WWOX: variants seen among roughly 807,000 people sequenced by gnomAD.
The protein encoded by WWOX is WW domain containing oxidoreductase.
In WWOX, 69 loss-of-function variants were observed where a neutral mutation model predicts 46.2. The observed-to-expected ratio is 1.49, with a 90% CI of 1.23 to 1.82. WWOX has a LOEUF of 1.82. WWOX is among the 40% of genes most tolerant of loss of function. WWOX has a pLI of 0.00. For synonymous variants in WWOX, 359 were observed against 202.6 expected, an observed-to-expected ratio of 1.77 and a Z score of -6.56; for missense variants, 919 against 542.6, an observed-to-expected ratio of 1.69 and a Z score of -6.89.
intron 5 of WWOX, among the ~76,000 whole-genome samples, chr16:78,384,695 C>T (rs2082023630): frequency 6.6e-6 from 1 of 152,190 alleles, no homozygotes. Flanking sequence ...GTTTCTCCTC[C>T]TCGTTCCAAA....
intron 8 of WWOX, among the ~76,000 whole-genome samples, chr16:78,847,417 T>C (rs2052327881): frequency 6.6e-6 from 1 of 152,184 alleles, no homozygotes; most frequent in South Asian, 2.1e-4. Context: ...CTATTATAAA[T>C]TATATATATG....
At chr16:78,756,913 C>G (rs1224414506) in intron 8 of WWOX, 1 of 702,876 alleles carries the variant, frequency 1.4e-6, no homozygotes, top group African/African-American at 1.7e-5. Context: ...AGGCTTCTGC[C>G]TTACTGATGT....
chr16:79,099,090 G>C (rs1466685770), intron 8 of WWOX, among the ~76,000 whole-genome samples: 1 of 152,166 alleles, frequency 6.6e-6, no homozygotes, highest in Non-Finnish European at 1.5e-5. Context: ...GAGGAAGCAA[G>C]AGAGAAGGGA....
At chr16:78,509,684 C>G (rs1303204433) in intron 8 of WWOX, among the ~76,000 whole-genome samples, 1 of 152,146 alleles carries the variant, frequency 6.6e-6, no homozygotes, top group Non-Finnish European at 1.5e-5. Flanking sequence ...GCAAAAACTA[C>G]TGATCAAGCC....
chr16:78,891,213 C>G (rs1425115868), intron 8 of WWOX: 1 of 152,126 alleles, frequency 6.6e-6, no homozygotes, highest in Non-Finnish European at 1.5e-5. Flanking sequence ...GTCTCAGTCC[C>G]ATCTGATATT....
At chr16:78,593,965 A>G (rs965061397) in intron 8 of WWOX, among the ~76,000 whole-genome samples, 1 of 152,176 alleles carries the variant, frequency 6.6e-6, no homozygotes, top group Non-Finnish European at 1.5e-5. Flanking sequence ...TCCCACTATC[A>G]TTATATCCAA....
At chr16:78,804,802 T>C (rs1377070728) in intron 8 of WWOX, among the ~76,000 whole-genome samples, 1 of 152,146 alleles carries the variant, frequency 6.6e-6, no homozygotes, top group Non-Finnish European at 1.5e-5. Context: ...CAGCCATCAA[T>C]AGAAAAGAAA....
chr16:78,509,835 T>C (rs2085313811), intron 8 of WWOX, among the ~76,000 whole-genome samples: 1 of 151,442 alleles, frequency 6.6e-6, no homozygotes, highest in Non-Finnish European at 1.5e-5. Flanking sequence ...GGCTCACAAA[T>C]TCAGCACTTT....
intron 8 of WWOX, among the ~76,000 whole-genome samples, chr16:79,010,917 C>G (rs944521901): frequency 6.6e-6 from 1 of 151,534 alleles, no homozygotes; most frequent in African/African-American, 2.4e-5. Context: ...TGTGTGGGAC[C>G]TCGGAGGTCC....
intron 8 of WWOX, among the ~76,000 whole-genome samples, chr16:78,580,929 G>A (rs996655034): frequency 1.3e-5 from 2 of 152,162 alleles, no homozygotes; most frequent in African/African-American, 2.4e-5. Flanking sequence ...TAATTTAGTA[G>A]CCAGCTAAAG....
intron 8 of WWOX, among the ~76,000 whole-genome samples, chr16:78,903,322 G>C (rs1265705984): frequency 6.6e-6 from 1 of 152,092 alleles, no homozygotes; most frequent in Non-Finnish European, 1.5e-5. Flanking sequence ...ATTGGTTTTG[G>C]AAAGCAACCA....
rs147972352 is a variant in WWOX, at chr16:78,335,002, C to T, written c.517-51858C>T. ...ACGAAGACAGAGACCAGAGGTTCCC[C>T]AAGTAGCCCCTGGACCTGCAGTGTC... On this transcript the variant is annotated intron_variant, in intron 5 of 8. Transcript: ENST00000566780. Among the ~76,000 whole-genome samples the T allele has an allele frequency of 3.9e-5, 6 of 151,976 alleles. No homozygotes were observed. The East Asian group carries it at 1.2e-3, about 29-fold the overall frequency.
intron 8 of WWOX, among the ~76,000 whole-genome samples, chr16:78,440,625 CT>C (rs749795340): frequency 2.4e-5 from 3 of 126,482 alleles, no homozygotes; most frequent in Non-Finnish European, 4.9e-5. Context: ...TTTTTTTTTT[CT>C]TTTTTTTTGA....
At chr16:78,123,554 T>C (rs2033225977) in intron 4 of WWOX, 1 of 146,216 alleles carries the variant, frequency 6.8e-6, no homozygotes, top group East Asian at 2.1e-4. Context: ...GCCTCCCAGG[T>C]TGAAGCAATT....
At chr16:78,588,693 A>G (rs866781667) in intron 8 of WWOX, among the ~76,000 whole-genome samples, 12 of 152,170 alleles carry the variant, frequency 7.9e-5, no homozygotes, top group Non-Finnish European at 1.5e-4. Context: ...GTGCCTCTTA[A>G]TGCCTTTAAC....
intron 8 of WWOX, among the ~76,000 whole-genome samples, chr16:79,092,656 A>C (rs894550503): frequency 6.6e-6 from 1 of 152,154 alleles, no homozygotes; most frequent in Admixed American, 6.5e-5. Context: ...GTTGGCGAGG[A>C]GTGAATTGTG....
At chr16:78,312,349 G>T (rs2080262493) in intron 5 of WWOX, among the ~76,000 whole-genome samples, 1 of 149,524 alleles carries the variant, frequency 6.7e-6, no homozygotes, top group African/African-American at 2.5e-5. Flanking sequence ...TATATTGCTA[G>T]TGAGTGGCCA....
intron 8 of WWOX, among the ~76,000 whole-genome samples, chr16:79,040,275 AT>A (rs35194921): frequency 1.2e-3 from 173 of 139,164 alleles, no homozygotes; most frequent in Middle Eastern, 7.5e-3. Context: ...TTCTGAGTTG[AT>A]TTTTTTTTTT....
intron 8 of WWOX, among the ~76,000 whole-genome samples, chr16:78,916,955 G>C (rs2045265966): frequency 6.6e-6 from 1 of 152,150 alleles, no homozygotes; most frequent in African/African-American, 2.4e-5. Context: ...TTAAGGACCT[G>C]GTTCCCCTCT....
Sources: gnomAD v4.1 joint callset for allele counts (sites outside exome capture counted in the v4.1 genomes callset) on GRCh38, gnomAD v4.1.1 for gene constraint, MANE v1.5 for transcripts, NCBI Gene and HGNC (gene_info 2026-07-23, HGNC 2026-07-21) for gene names.